ACSF3: variants seen among roughly 807,000 people sequenced by gnomAD.
ACSF3 encodes the protein acyl-CoA synthetase family member 3, also known as malonate--CoA ligase ACSF3, mitochondrial.
In ACSF3, 78 loss-of-function variants were observed where a neutral mutation model predicts 53.2. The observed-to-expected ratio is 1.47, with a 90% CI of 1.22 to 1.77. The LOEUF (loss-of-function observed/expected upper bound fraction) is 1.77. Among genes scored for constraint, ACSF3 ranks in the 40% most tolerant of loss-of-function variants. The probability of loss-of-function intolerance (pLI) is 0.00; values close to 1 mark genes in which losing one functional copy is unlikely to be tolerated. For missense variants in ACSF3, 937 were observed against 771.1 expected (o/e 1.22, Z -2.55); for synonymous variants, 414 against 333.1 (o/e 1.24, Z -2.65).
At chr16:89,114,136 A>G (rs1180432502) in intron 5 of ACSF3, 7 of 668,592 alleles carry the variant, frequency 1.0e-5, no homozygotes, top group African/African-American at 8.9e-5. Context: ...TTCAAAAAAC[A>G]AAGTCACGCC....
intron 7 of ACSF3, among the ~76,000 whole-genome samples, chr16:89,128,003 C>G (rs1290277332): frequency 1.3e-5 from 2 of 151,934 alleles, no homozygotes; most frequent in Non-Finnish European, 2.9e-5. Context: ...TGTTTTATGG[C>G]TCTTTTTTCA....
At chr16:89,153,635 A>G in intron 10 of ACSF3, 1 of 282,658 alleles carries the variant, frequency 3.5e-6, no homozygotes, top group Non-Finnish European at 7.0e-6. Flanking sequence ...TACCCCATAC[A>G]GGGCAGACTG....
chr16:89,101,374 T>G, intron 3 of ACSF3, 27 bp downstream of exon 3: 1 of 1,558,920 alleles, frequency 6.4e-7, no homozygotes, highest in Non-Finnish European at 8.7e-7. Context: ...GCCGTGATGG[T>G]TTCGGTGACC....
At chr16:89,119,062 G>C (rs1213835409) in intron 6 of ACSF3, among the ~76,000 whole-genome samples, 1 of 150,582 alleles carries the variant, frequency 6.6e-6, no homozygotes, top group Non-Finnish European at 1.5e-5. Flanking sequence ...AGCTTTCATG[G>C]GTGGCACCTG....
chr16:89,105,707 A>G (rs921973899), intron 4 of ACSF3, among the ~76,000 whole-genome samples: 8 of 152,130 alleles, frequency 5.3e-5, no homozygotes, highest in African/African-American at 1.9e-4. Context: ...CTGGTCTACC[A>G]TGGTCACTTG....
At chr16:89,150,565 A>G (rs1435618446) in intron 10 of ACSF3, 2 of 198,840 alleles carry the variant, frequency 1.0e-5, no homozygotes, top group African/African-American at 2.3e-5. Flanking sequence ...CTCTCACATC[A>G]GGCTCCTCAC....
At chr16:89,103,877 G>A (rs1399002557) in intron 4 of ACSF3, among the ~76,000 whole-genome samples, 2 of 152,228 alleles carry the variant, frequency 1.3e-5, no homozygotes, top group Non-Finnish European at 2.9e-5. Flanking sequence ...AGTCATCGCC[G>A]AGCTGCTGCG....
intron 3 of ACSF3, among the ~76,000 whole-genome samples, chr16:89,102,159 T>G (rs533980738): frequency 2.2e-4 from 33 of 152,326 alleles, no homozygotes; most frequent in African/African-American, 7.9e-4. Flanking sequence ...TGGCCTGGGT[T>G]CTGTCCCGGC....
At chr16:89,127,284 A>C (rs976044793) in intron 7 of ACSF3, among the ~76,000 whole-genome samples, 3 of 151,790 alleles carry the variant, frequency 2.0e-5, no homozygotes, top group African/African-American at 7.3e-5. Context: ...GATTGTGTAG[A>C]ATTGGTATTA....
intron 6 of ACSF3, among the ~76,000 whole-genome samples, chr16:89,118,467 C>G: frequency 6.6e-6 from 1 of 152,254 alleles, no homozygotes; most frequent in East Asian, 1.9e-4. Flanking sequence ...TAACCCCCAC[C>G]CTGGTGGCCA....
At chr16:89,154,067 T>C (rs1366938702) in intron 10 of ACSF3, 23 bp from the exon 11 acceptor site, 16 of 1,609,176 alleles carry the variant, frequency 9.9e-6, no homozygotes, top group Non-Finnish European at 1.4e-5. Context: ...GCAGTGCGCC[T>C]CAGGCTGTGC....
chr16:89,120,836 C>T lies in ACSF3; in HGVS notation c.1162C>T (p.Arg388Cys), dbSNP rs769987195. ...VGTPLPGVQV[R>C]IVSENPQREA... ...GACCCCACTGCCTGGAGTACAGGTG[C>T]GCATTGTCTCAGAAAACCCACAGAG... is the stretch of plus-strand genomic sequence containing the variant. The change falls in exon 7 of 11, where the codon CGC (arginine) becomes TGC (cysteine). Residue 388 changes from arginine (R) to cysteine (C), a missense_variant. Arg to Cys is a radical substitution (Grantham distance 180). Transcript: ENST00000614302. 2.1e-5 allele frequency: 34 copies of T among 1,613,980 alleles called. No individual in the cohort carries two copies. The highest frequency in any genetic ancestry group is 6.7e-5 in the East Asian group (3 of 44,890).
intron 7 of ACSF3, among the ~76,000 whole-genome samples, chr16:89,128,249 AT>A (rs1057067525): frequency 2.0e-5 from 3 of 149,222 alleles, no homozygotes; most frequent in South Asian, 2.1e-4. Flanking sequence ...ATATATATAT[AT>A]TTTTTTCTTT....
At chr16:89,114,146 C>T (rs530450325) in intron 5 of ACSF3, 193 bp from the exon 6 acceptor site, 424 of 704,540 alleles carry the variant, frequency 6.0e-4, no homozygotes, top group Non-Finnish European at 2.3e-4. Flanking sequence ...AAAGTCACGC[C>T]GTAGCGCAGA....
At position 89,146,526 on chromosome 16, in the gene ACSF3, C is replaced by T. The variant is rs111766532; in HGVS notation, c.1613+477C>T. Among the ~76,000 whole-genome samples the T allele has an allele frequency of 4.5e-3, 682 of 152,326 alleles. 7 individuals are homozygous for T. Among genetic ancestry groups the T allele is most frequent in the Non-Finnish European group, 6.3e-3 (430 of 68,022 alleles). ...ACTGCAAGGCCCACCCATTCTCCGT[C>T]GGCACCTGCACGGCCTCTCCCTCTC... is the stretch of plus-strand genomic sequence containing the variant. On this transcript the variant is annotated intron_variant, in intron 10 of 10. Coordinates refer to ENST00000614302, the MANE Select transcript of ACSF3 (RefSeq NM_001243279.3).
intron 4 of ACSF3, among the ~76,000 whole-genome samples, chr16:89,105,396 C>T (rs1436185993): frequency 6.6e-6 from 1 of 152,200 alleles, no homozygotes; most frequent in Non-Finnish European, 1.5e-5. Flanking sequence ...CCTTGGTGAA[C>T]GTCTGCTGAG....
rs1906487129 is a variant in ACSF3 at position 89,120,909 on chromosome 16, C to G, written c.1235C>G (p.Thr412Ser). The G allele has an allele frequency of 6.2e-7, 1 of 1,613,470 alleles. No individual in the cohort carries two copies. The highest frequency in any genetic ancestry group is 1.7e-5 in the Admixed American group (1 of 60,006). The change falls in exon 7 of 11, where the codon ACC becomes AGC. Residue 412 changes from threonine to serine, a missense_variant. Physicochemically the swap from Thr to Ser is moderately conservative, Grantham distance 58 (BLOSUM62 1). Transcript: ENST00000614302. Reference sequence around the variant, plus strand: ...CACGCAGAGGGAGACGAGAGGGGGACCAAGGTAAGCCACTCTGCTCTTGGC... The same window carrying G: ...CACGCAGAGGGAGACGAGAGGGGGAGCAAGGTAAGCCACTCTGCTCTTGGC... ...TIHAEGDERG[T>S]KVTPGFEEKE... is the part of the protein sequence containing the mutation.
intron 6 of ACSF3, among the ~76,000 whole-genome samples, chr16:89,116,748 G>C (rs1487561654): frequency 6.6e-6 from 1 of 152,070 alleles, no homozygotes; most frequent in African/African-American, 2.4e-5. Context: ...CCAGGAAACC[G>C]CCGTCAGTGC....
chr16:89,126,059 G>GTC (rs1271512281), intron 7 of ACSF3, among the ~76,000 whole-genome samples: 16 of 152,168 alleles, frequency 1.1e-4, no homozygotes, highest in African/African-American at 3.6e-4. Context: ...AACACGGTCT[G>GTC]TCTCTCCATT....
Sources: allele counts gnomAD v4.1 joint callset (sites outside exome capture counted in the v4.1 genomes callset), GRCh38; gene constraint gnomAD v4.1.1; transcripts MANE v1.5; gene names NCBI Gene and HGNC (gene_info 2026-07-23, HGNC 2026-07-21).